The following NELL1 variants were observed in gnomAD, a reference collection of about 807,000 sequenced individuals.
NELL1 encodes protein kinase C-binding protein NELL1.
NELL1 carries 76 observed loss-of-function variants against 107.4 expected under a neutral mutation model. The observed-to-expected ratio is 0.71, with a 90% confidence interval of 0.59 to 0.86. The LOEUF is 0.86. Among genes scored for constraint, NELL1 ranks in the 40% least tolerant of loss-of-function variants. The pLI, the probability that NELL1 is intolerant of heterozygous loss-of-function variation, is 0.00. For missense variants in NELL1, 1,024 were observed against 1,005.5 expected (o/e 1.02, Z -0.25); for synonymous variants, 353 against 341.2 (o/e 1.03, Z -0.38).
chr11:21,311,257 G>A (rs900092611), intron 14 of NELL1, among the ~76,000 whole-genome samples: 2 of 152,106 alleles, frequency 1.3e-5, no homozygotes, highest in African/African-American at 4.8e-5. Context: ...AGAACAGAAA[G>A]ACAGCATAAA....
intron 13 of NELL1, chr11:21,169,720 C>T (rs1227932778): frequency 2.6e-6 from 2 of 756,504 alleles, no homozygotes; most frequent in Non-Finnish European, 4.1e-6. Flanking sequence ...CATCTTTTGG[C>T]ACAGAAGTAG....
At chr11:21,310,092 A>G (rs1217144009) in intron 14 of NELL1, among the ~76,000 whole-genome samples, 5 of 152,150 alleles carry the variant, frequency 3.3e-5, no homozygotes, top group South Asian at 4.1e-4. Flanking sequence ...TTAACCTCAA[A>G]AGAACTATAT....
intron 12 of NELL1, among the ~76,000 whole-genome samples, chr11:20,963,785 C>T (rs569322733): frequency 2.0e-5 from 3 of 152,204 alleles, no homozygotes; most frequent in South Asian, 2.1e-4. Flanking sequence ...ATGACTCATA[C>T]GATAAAAACC....
chr11:21,371,012 A>G (rs1851348758), intron 15 of NELL1, 64 bp downstream of exon 15: 1 of 1,179,364 alleles, frequency 8.5e-7, no homozygotes, highest in Non-Finnish European at 1.2e-6. Context: ...TTCAGAAAGA[A>G]TAACAGCTCT....
chr11:21,540,477 C>A lies in NELL1; in HGVS notation c.1786+5963C>A, dbSNP rs143912970. 6.9e-4 allele frequency among the ~76,000 whole-genome samples: 105 copies of A among 152,152 alleles called. 1 individual carries two copies. Among genetic ancestry groups the A allele is most frequent in the African/African-American group, 2.2e-3 (93 of 41,538 alleles). On this transcript the variant is annotated intron_variant, in intron 16 of 19. Transcript: ENST00000357134. The stretch of plus-strand genomic sequence containing the variant: ...GCCTGGCTGTATTAGTCTGTTCTCG[C>A]ACTACTATAAGGAACTTCCTGAGAC...
intron 14 of NELL1, among the ~76,000 whole-genome samples, chr11:21,317,855 C>G (rs1196196725): frequency 2.6e-5 from 4 of 152,212 alleles, no homozygotes; most frequent in Admixed American, 2.0e-4. Context: ...AAGATTAGAT[C>G]ATTTGATTAT....
At chr11:21,028,903 C>A (rs1852885706) in intron 12 of NELL1, among the ~76,000 whole-genome samples, 1 of 152,076 alleles carries the variant, frequency 6.6e-6, no homozygotes, top group South Asian at 2.1e-4. Flanking sequence ...AAGTTTATAA[C>A]CCCTAACTCT....
At chr11:20,915,717 A>ATATATATATACATATAT in intron 5 of NELL1, among the ~76,000 whole-genome samples, 1 of 58,224 alleles carries the variant, frequency 1.7e-5, no homozygotes, top group Non-Finnish European at 2.9e-5. Context: ...ATATATATAT[A>ATATATATATACATATAT]TTTTTTTTTT....
At chr11:21,130,052 G>C (rs1324957799) in intron 13 of NELL1, among the ~76,000 whole-genome samples, 1 of 152,166 alleles carries the variant, frequency 6.6e-6, no homozygotes, top group East Asian at 1.9e-4. Context: ...TATATGAAAG[G>C]ATCACAGAGG....
At chr11:21,114,102 G>A (rs537019976) in intron 13 of NELL1, among the ~76,000 whole-genome samples, 1 of 152,102 alleles carries the variant, frequency 6.6e-6, no homozygotes, top group South Asian at 2.1e-4. Flanking sequence ...GGAAAGACAA[G>A]GATTAAATTT....
At chr11:21,192,177 T>C in intron 13 of NELL1, among the ~76,000 whole-genome samples, 1 of 151,938 alleles carries the variant, frequency 6.6e-6, no homozygotes, top group Non-Finnish European at 1.5e-5. Context: ...CCTTTGCTTA[T>C]AATGTCTGAA....
At chr11:21,182,044 G>C (rs930121778) in intron 13 of NELL1, among the ~76,000 whole-genome samples, 3 of 151,968 alleles carry the variant, frequency 2.0e-5, no homozygotes, top group Admixed American at 2.0e-4. Flanking sequence ...ACACAGAGAG[G>C]TGAGCTAACT....
intron 4 of NELL1, 49 bp from the exon 5 acceptor site, chr11:20,885,395 G>C (rs760388910): frequency 6.5e-6 from 8 of 1,222,982 alleles, no homozygotes; most frequent in Non-Finnish European, 9.7e-6. Context: ...GCACCTTTTG[G>C]TTCTGCTTTG....
chr11:21,571,486 G>A (rs1186385921), intron 18 of NELL1, among the ~76,000 whole-genome samples: 1 of 151,870 alleles, frequency 6.6e-6, no homozygotes, highest in Non-Finnish European at 1.5e-5. Context: ...CTGAGGGAAA[G>A]AATGGGCTGT....
At chr11:21,378,367 T>C (rs761662533) in intron 15 of NELL1, among the ~76,000 whole-genome samples, 19 of 151,682 alleles carry the variant, frequency 1.3e-4, no homozygotes, top group Non-Finnish European at 2.2e-4. Flanking sequence ...CACTTAATAA[T>C]CTCTTGAACA....
At chr11:20,717,294 A>G (rs899468185) in intron 2 of NELL1, among the ~76,000 whole-genome samples, 1 of 152,212 alleles carries the variant, frequency 6.6e-6, no homozygotes, top group Non-Finnish European at 1.5e-5. Context: ...AAGGAAGACT[A>G]AATTTGGTTT....
chr11:21,489,718 C>G (rs1008525236), intron 15 of NELL1, among the ~76,000 whole-genome samples: 10 of 152,018 alleles, frequency 6.6e-5, no homozygotes, highest in Non-Finnish European at 1.2e-4. Context: ...TCAATAGACA[C>G]AGAAAAATCA....
intron 14 of NELL1, among the ~76,000 whole-genome samples, chr11:21,283,148 A>G (rs966205942): frequency 4.6e-5 from 7 of 152,158 alleles, no homozygotes; most frequent in African/African-American, 1.7e-4. Context: ...TAATTTGTGT[A>G]CATTTTTAAA....
At chr11:21,250,827 C>T (rs1277055379) in intron 14 of NELL1, among the ~76,000 whole-genome samples, 2 of 152,112 alleles carry the variant, frequency 1.3e-5, no homozygotes, top group African/African-American at 4.8e-5. Context: ...ATAGATGAGG[C>T]TTCTCACTGC....
Sources: allele counts gnomAD v4.1 joint callset (sites outside exome capture counted in the v4.1 genomes callset), GRCh38; gene constraint gnomAD v4.1.1; transcripts MANE v1.5; gene names NCBI Gene and HGNC (gene_info 2026-07-23, HGNC 2026-07-21).